The following DPYD variants were observed in gnomAD, a reference collection of about 807,000 sequenced individuals.
The protein encoded by DPYD is dihydropyrimidine dehydrogenase [NADP(+)].
In DPYD, 109 loss-of-function variants were observed where a neutral mutation model predicts 116.2. The ratio of observed to expected loss-of-function variants is 0.94; its 90% CI spans 0.80 to 1.10. The LOEUF (loss-of-function observed/expected upper bound fraction) is 1.10. Among genes scored for constraint, DPYD ranks in the 50% least tolerant of loss-of-function variants. The pLI, the probability that DPYD is intolerant of heterozygous loss-of-function variation, is 0.00. For synonymous variants in DPYD, 440 were observed against 432.0 expected (o/e 1.02, Z -0.23); for missense variants, 1,302 against 1,254.5 (o/e 1.04, Z -0.57).
rs184045958 is a variant in DPYD, at chr1:97,329,768, G to A, written c.2059-23471C>T. On this transcript the variant is annotated intron_variant, in intron 16 of 22. Coordinates refer to ENST00000370192, the MANE Select transcript of DPYD (RefSeq NM_000110.4). ...ACTCCATCTTAAAAAAAAAAAAAAG[G>A]AAAGAAATAATTTTGAGACCCCATG... is the stretch of plus-strand genomic sequence containing the variant. 4.5e-3 allele frequency among the ~76,000 whole-genome samples: 638 copies of A among 141,112 alleles called. 10 individuals are homozygous for A. Among genetic ancestry groups the A allele is most frequent in the African/African-American group, 0.016 (591 of 37,804 alleles). The allele number at this position is 141,112 out of a possible 152,430, so 92.6% of individuals were successfully genotyped here.
At chr1:97,763,403 A>G (rs1167334634) in intron 3 of DPYD, among the ~76,000 whole-genome samples, 1 of 151,882 alleles carries the variant, frequency 6.6e-6, no homozygotes, top group African/African-American at 2.4e-5. Flanking sequence ...TTCTTAAATT[A>G]TTGTTACCTT....
intron 20 of DPYD, among the ~76,000 whole-genome samples, chr1:97,147,701 C>T (rs1654727432): frequency 6.6e-6 from 1 of 152,144 alleles, no homozygotes; most frequent in African/African-American, 2.4e-5. Context: ...ACATATTTCT[C>T]AAGTTGTATA....
At chr1:97,542,548 G>C (rs952562359) in intron 12 of DPYD, among the ~76,000 whole-genome samples, 2 of 152,084 alleles carry the variant, frequency 1.3e-5, no homozygotes, top group South Asian at 2.1e-4. Flanking sequence ...GTTTCTTGTT[G>C]TTTGTGATGT....
chr1:97,892,638 T>G (rs1286031925), intron 1 of DPYD, among the ~76,000 whole-genome samples: 1 of 151,798 alleles, frequency 6.6e-6, no homozygotes, highest in African/African-American at 2.4e-5. Context: ...ATTTTTTAAA[T>G]GTACTTCCAT....
intron 12 of DPYD, among the ~76,000 whole-genome samples, chr1:97,531,171 T>C (rs1272155152): frequency 6.6e-6 from 1 of 152,204 alleles, no homozygotes; most frequent in Non-Finnish European, 1.5e-5. Context: ...TTTGGTGTCA[T>C]ATCCATGAAA....
intron 14 of DPYD, among the ~76,000 whole-genome samples, chr1:97,426,620 A>G (rs929055686): frequency 2.0e-5 from 3 of 152,076 alleles, no homozygotes; most frequent in Admixed American, 6.6e-5. Context: ...GAGTGGCTCT[A>G]TAGTGGGGTG....
intron 1 of DPYD, among the ~76,000 whole-genome samples, chr1:97,915,459 A>G (rs1674164813): frequency 6.6e-6 from 1 of 152,160 alleles, no homozygotes; most frequent in Non-Finnish European, 1.5e-5. Flanking sequence ...GGAAGCAGTA[A>G]TAATTATAAA....
chr1:97,267,138 T>A lies in DPYD; in HGVS notation c.2300-32144A>T, dbSNP rs1435894747. On this transcript the variant is annotated intron_variant, in intron 18 of 22. Coordinates refer to ENST00000370192, the MANE Select transcript of DPYD (RefSeq NM_000110.4). ...CCACAATGGTTGAACTAGTTTACACTCCCACCAACAGTGTAAAAGCGTTTC... is the reference window on the plus strand; with the variant it reads ...CCACAATGGTTGAACTAGTTTACACACCCACCAACAGTGTAAAAGCGTTTC... 2.6e-5 allele frequency among the ~76,000 whole-genome samples: 4 copies of A among 152,282 alleles called. No homozygotes were observed. The East Asian group carries it at 7.7e-4, about 29-fold the overall frequency.
At chr1:97,884,999 A>AATTGTTTTCTAAATGT (rs1333265947) in intron 1 of DPYD, among the ~76,000 whole-genome samples, 4 of 152,022 alleles carry the variant, frequency 2.6e-5, no homozygotes, top group Non-Finnish European at 5.9e-5. Context: ...GAAATGCATG[A>AATTGTTTTCTAAATGT]TACAACATGT....
chr1:97,788,564 C>CA, intron 3 of DPYD, among the ~76,000 whole-genome samples: 1 of 152,158 alleles, frequency 6.6e-6, no homozygotes, highest in Non-Finnish European at 1.5e-5. Context: ...GACACAATTG[C>CA]AAAAAATTAT....
intron 8 of DPYD, among the ~76,000 whole-genome samples, chr1:97,597,016 T>C (rs1464725536): frequency 6.6e-6 from 1 of 152,158 alleles, no homozygotes; most frequent in Non-Finnish European, 1.5e-5. Context: ...CAGAAACAAT[T>C]ATATAAATGG....
At chr1:97,380,013 T>A (rs1671855727) in intron 15 of DPYD, among the ~76,000 whole-genome samples, 1 of 152,344 alleles carries the variant, frequency 6.6e-6, no homozygotes, top group South Asian at 2.1e-4. Flanking sequence ...TCTTTTCTCC[T>A]CAGTCTTTCT....
chr1:97,772,757 T>C (rs1176892656), intron 3 of DPYD, among the ~76,000 whole-genome samples: 1 of 152,164 alleles, frequency 6.6e-6, no homozygotes, highest in Non-Finnish European at 1.5e-5. Context: ...AACAACAACA[T>C]ACAAACATAT....
At chr1:97,685,355 A>T (rs1395659088) in intron 7 of DPYD, among the ~76,000 whole-genome samples, 1 of 152,214 alleles carries the variant, frequency 6.6e-6, no homozygotes, top group African/African-American at 2.4e-5. Flanking sequence ...AAATAATAAA[A>T]GCCATTTACA....
At chr1:97,893,462 A>ATATATATAG in intron 1 of DPYD, among the ~76,000 whole-genome samples, 1 of 139,844 alleles carries the variant, frequency 7.2e-6, no homozygotes, top group Non-Finnish European at 1.6e-5. Context: ...ATATATATAT[A>ATATATATAG]GCAATGGAGA....
intron 7 of DPYD, among the ~76,000 whole-genome samples, chr1:97,686,010 C>A (rs1378541257): frequency 6.6e-6 from 1 of 152,082 alleles, no homozygotes; most frequent in Non-Finnish European, 1.5e-5. Flanking sequence ...CAAAAAAGAG[C>A]CCATATAGCC....
intron 8 of DPYD, among the ~76,000 whole-genome samples, chr1:97,617,611 A>G (rs1253970438): frequency 1.3e-5 from 2 of 152,134 alleles, no homozygotes; most frequent in African/African-American, 4.8e-5. Flanking sequence ...TACCTACAAA[A>G]TATTTGCAGG....
intron 18 of DPYD, among the ~76,000 whole-genome samples, chr1:97,276,020 C>A (rs566720957): frequency 6.6e-6 from 1 of 151,986 alleles, no homozygotes; most frequent in Non-Finnish European, 1.5e-5. Context: ...GGTTCCACAA[C>A]TTTTTATAAC....
At chr1:97,086,353 T>A (rs1570431404) in intron 21 of DPYD, among the ~76,000 whole-genome samples, 1 of 1,928 alleles carries the variant, frequency 5.2e-4, no homozygotes, top group Non-Finnish European at 0.038. Flanking sequence ...CCTGGCCAAG[T>A]TTTTTTTTTT....
Sources: allele counts gnomAD v4.1 joint callset (sites outside exome capture counted in the v4.1 genomes callset), GRCh38; gene constraint gnomAD v4.1.1; transcripts MANE v1.5; gene names NCBI Gene and HGNC (gene_info 2026-07-23, HGNC 2026-07-21).